PTPRD: variants seen among roughly 807,000 people sequenced by gnomAD.
PTPRD encodes the protein receptor-type tyrosine-protein phosphatase delta.
PTPRD carries 34 observed loss-of-function variants against 214.5 expected under a neutral mutation model. The observed-to-expected ratio is 0.16, with a 90% CI of 0.12 to 0.21. The LOEUF (loss-of-function observed/expected upper bound fraction) is 0.21. Among genes scored for constraint, PTPRD ranks in the 10% least tolerant of loss-of-function variants. The probability of loss-of-function intolerance (pLI) is 1.00; values close to 1 mark genes in which losing one functional copy is unlikely to be tolerated. For missense variants in PTPRD, 2,545 were observed against 2,398.7 expected (o/e 1.06, Z -1.27); for synonymous variants, 1,128 against 845.7 (o/e 1.33, Z -5.79).
intron 21 of PTPRD, among the ~76,000 whole-genome samples, chr9:8,515,836 C>G (rs1036455372): frequency 6.6e-5 from 10 of 152,144 alleles, no homozygotes; most frequent in African/African-American, 2.4e-4. Context: ...TTTAAGCCAC[C>G]TAGTATGTGG....
intron 14 of PTPRD, among the ~76,000 whole-genome samples, chr9:8,544,924 G>T (rs2079586668): frequency 1.4e-5 from 2 of 143,430 alleles, no homozygotes; most frequent in Non-Finnish European, 1.5e-5. Flanking sequence ...TTGTCAGGAG[G>T]CACTTTTGTA....
intron 12 of PTPRD, among the ~76,000 whole-genome samples, chr9:8,690,155 T>A (rs7030931): frequency 0.26 from 38,684 of 150,944 alleles, 5,494 homozygotes; most frequent in African/African-American, 0.38. Context: ...TCCTAACAAT[T>A]CTAACTCCTT....
intron 39 of PTPRD, among the ~76,000 whole-genome samples, chr9:8,367,021 GATTT>G (rs965634394): frequency 2.0e-5 from 3 of 152,026 alleles, no homozygotes; most frequent in Non-Finnish European, 4.4e-5. Flanking sequence ...CTTGAAAGTG[GATTT>G]ATTTATTTAT....
chr9:9,850,149 T>C (rs2060267976), intron 5 of PTPRD, among the ~76,000 whole-genome samples: 1 of 152,156 alleles, frequency 6.6e-6, no homozygotes, highest in African/African-American at 2.4e-5. Context: ...AAGTTACCAC[T>C]GAAAGGTATT....
intron 9 of PTPRD, among the ~76,000 whole-genome samples, chr9:9,338,931 C>A (rs1176520036): frequency 6.6e-6 from 1 of 152,016 alleles, no homozygotes; most frequent in Non-Finnish European, 1.5e-5. Context: ...AACTTTCTAT[C>A]AAAGAGTGGC....
intron 2 of PTPRD, among the ~76,000 whole-genome samples, chr9:10,417,206 C>T (rs1053853869): frequency 1.6e-4 from 24 of 151,898 alleles, no homozygotes; most frequent in African/African-American, 5.6e-4. Context: ...CATAGTTCAA[C>T]CTAGTCAATC....
At chr9:10,303,314 A>C (rs1340095288) in intron 3 of PTPRD, among the ~76,000 whole-genome samples, 2 of 152,200 alleles carry the variant, frequency 1.3e-5, no homozygotes, top group African/African-American at 4.8e-5. Flanking sequence ...AGCAGAAAAC[A>C]TCTAAATTCG....
chr9:8,868,918 A>G (rs541969964), intron 11 of PTPRD, among the ~76,000 whole-genome samples: 8 of 152,304 alleles, frequency 5.3e-5, no homozygotes, highest in Non-Finnish European at 1.0e-4. Flanking sequence ...AGGCACACAT[A>G]TGAAGGAAAA....
At chr9:9,329,045 G>C (rs1465089321) in intron 9 of PTPRD, among the ~76,000 whole-genome samples, 1 of 151,742 alleles carries the variant, frequency 6.6e-6, no homozygotes, top group Admixed American at 6.6e-5. Context: ...TTTGTTCTTT[G>C]AGAACATCTG....
intron 4 of PTPRD, among the ~76,000 whole-genome samples, chr9:9,984,952 C>T (rs1461720045): frequency 2.0e-5 from 3 of 152,084 alleles, no homozygotes; most frequent in Admixed American, 6.6e-5. Flanking sequence ...CAGCTGGATA[C>T]TGAGGAAGAT....
intron 14 of PTPRD, among the ~76,000 whole-genome samples, chr9:8,571,083 G>A (rs916103976): frequency 4.6e-5 from 7 of 151,976 alleles, no homozygotes; most frequent in African/African-American, 9.7e-5. Flanking sequence ...TCCTGCTCAC[G>A]AGCTTCCACG....
intron 3 of PTPRD, among the ~76,000 whole-genome samples, chr9:10,250,217 G>C (rs1039524391): frequency 6.6e-6 from 1 of 152,206 alleles, no homozygotes; most frequent in East Asian, 1.9e-4. Context: ...TGATAAAAGT[G>C]ACTATAAAAA....
chr9:8,569,890 A>G (rs1490673049), intron 14 of PTPRD, among the ~76,000 whole-genome samples: 1 of 152,174 alleles, frequency 6.6e-6, no homozygotes, highest in African/African-American at 2.4e-5. Context: ...ATATTTTGTT[A>G]TACATAATGA....
intron 12 of PTPRD, among the ~76,000 whole-genome samples, chr9:8,694,888 C>T (rs763455115): frequency 1.3e-5 from 2 of 152,062 alleles, no homozygotes; most frequent in Non-Finnish European, 2.9e-5. Context: ...TGCTACAGTC[C>T]CAAACAATTC....
At chr9:10,244,069 T>C (rs932950825) in intron 3 of PTPRD, among the ~76,000 whole-genome samples, 1 of 151,646 alleles carries the variant, frequency 6.6e-6, no homozygotes, top group Non-Finnish European at 1.5e-5. Flanking sequence ...AATGAGACTA[T>C]AGAGAGCCTA....
chr9:8,838,964 C>T (rs895601979), intron 11 of PTPRD, among the ~76,000 whole-genome samples: 4 of 151,852 alleles, frequency 2.6e-5, no homozygotes, highest in African/African-American at 9.7e-5. Context: ...AATAAAGATC[C>T]TGTATGTTAA....
intron 7 of PTPRD, among the ~76,000 whole-genome samples, chr9:9,580,702 C>A (rs766931924): frequency 2.0e-5 from 3 of 151,862 alleles, no homozygotes; most frequent in African/African-American, 7.2e-5. Context: ...GAGCCTACCA[C>A]CATGCCTGCC....
At chr9:8,960,371 G>C (rs1588907554) in intron 11 of PTPRD, among the ~76,000 whole-genome samples, 1 of 152,158 alleles carries the variant, frequency 6.6e-6, no homozygotes, top group Non-Finnish European at 1.5e-5. Flanking sequence ...CCATACTTAG[G>C]AACCTCTGGT....
chr9:9,358,891 T>C (rs1179879581), intron 9 of PTPRD, among the ~76,000 whole-genome samples: 1 of 151,362 alleles, frequency 6.6e-6, no homozygotes, highest in Non-Finnish European at 1.5e-5. Flanking sequence ...ACAATCAAAG[T>C]TGATTGCATC....
Sources: gnomAD v4.1 joint callset for allele counts (sites outside exome capture counted in the v4.1 genomes callset) on GRCh38, gnomAD v4.1.1 for gene constraint, MANE v1.5 for transcripts, NCBI Gene and HGNC (gene_info 2026-07-23, HGNC 2026-07-21) for gene names.